The following MTHFD2L variants were observed in gnomAD, a reference collection of about 807,000 sequenced individuals.
The protein encoded by MTHFD2L is methylenetetrahydrofolate dehydrogenase (NADP+ dependent) 2 like.
MTHFD2L carries 29 observed loss-of-function variants against 34.9 expected under a neutral mutation model. The ratio of observed to expected loss-of-function variants is 0.83; its 90% CI spans 0.62 to 1.13. MTHFD2L has a LOEUF of 1.13. MTHFD2L is among the 50% of genes most tolerant of loss of function. MTHFD2L has a pLI of 0.00. For synonymous variants in MTHFD2L, 167 were observed against 155.7 expected (o/e 1.07, Z -0.54); for missense variants, 481 against 446.5 (o/e 1.08, Z -0.70).
At chr4:74,121,609 T>C (rs186516292), upstream of MTHFD2L, among the ~76,000 whole-genome samples, 30 of 145,518 alleles carry the variant, frequency 2.1e-4, no homozygotes, top group East Asian at 4.7e-3. Context: ...TAATTAATTA[T>C]TTAATTATAT....
chr4:74,196,880 A>C (rs1733571270), intron 3 of MTHFD2L, among the ~76,000 whole-genome samples: 1 of 147,974 alleles, frequency 6.8e-6, no homozygotes. Flanking sequence ...CAGGAGGCGG[A>C]GGTTGCAGTG....
At chr4:74,118,711 C>T (rs1721697868), upstream of MTHFD2L, among the ~76,000 whole-genome samples, 1 of 152,192 alleles carries the variant, frequency 6.6e-6, no homozygotes, top group African/African-American at 2.4e-5. Context: ...CAAGAACTGA[C>T]AGTGGTCCAT....
At chr4:74,267,178 T>C in intron 6 of MTHFD2L, 1 of 985,226 alleles carries the variant, frequency 1.0e-6, no homozygotes, top group Non-Finnish European at 1.2e-6. Context: ...AACATGACAG[T>C]TGGTAATATA....
At chr4:74,144,449 T>C (rs1335464944) in intron 1 of MTHFD2L, among the ~76,000 whole-genome samples, 1 of 152,064 alleles carries the variant, frequency 6.6e-6, no homozygotes, top group Non-Finnish European at 1.5e-5. Flanking sequence ...TGAGACTGTC[T>C]CAAAAAACAA....
intron 5 of MTHFD2L, among the ~76,000 whole-genome samples, chr4:74,208,968 C>T (rs1466432791): frequency 6.6e-6 from 1 of 152,112 alleles, no homozygotes; most frequent in Non-Finnish European, 1.5e-5. Context: ...CCTCAGAAGC[C>T]TATCTAAGGG....
intron 5 of MTHFD2L, among the ~76,000 whole-genome samples, chr4:74,218,744 A>C (rs1737642618): frequency 6.6e-6 from 1 of 151,992 alleles, no homozygotes; most frequent in Non-Finnish European, 1.5e-5. Context: ...ATGACTAACA[A>C]CTGTTTGCTA....
chr4:74,168,691 T>C (rs1386268593), intron 1 of MTHFD2L, among the ~76,000 whole-genome samples: 1 of 152,134 alleles, frequency 6.6e-6, no homozygotes, highest in Non-Finnish European at 1.5e-5. Flanking sequence ...ACAATGAGCA[T>C]GTGGTGGGGA....
At chr4:74,157,996 A>T (rs547231998), upstream of MTHFD2L, 951 of 1,282,454 alleles carry the variant, frequency 7.4e-4, 3 homozygotes, top group Non-Finnish European at 9.7e-4. Context: ...TCTTTACCCC[A>T]CTCTGCGTGT....
At chr4:74,192,250 G>T (rs183327652) in intron 3 of MTHFD2L, among the ~76,000 whole-genome samples, 6 of 152,140 alleles carry the variant, frequency 3.9e-5, no homozygotes, top group Non-Finnish European at 7.4e-5. Context: ...TTATCTGACC[G>T]CCTCCCAACA....
intron 1 of MTHFD2L, among the ~76,000 whole-genome samples, chr4:74,139,979 T>C (rs912283063): frequency 6.6e-6 from 1 of 152,000 alleles, no homozygotes; most frequent in Non-Finnish European, 1.5e-5. Context: ...ACAGGTAAAA[T>C]AGTAATAAGG....
At chr4:74,228,156 G>A (rs1220481661) in intron 6 of MTHFD2L, among the ~76,000 whole-genome samples, 1 of 152,126 alleles carries the variant, frequency 6.6e-6, no homozygotes, top group Non-Finnish European at 1.5e-5. Flanking sequence ...TTTTTGAACT[G>A]CATTGACAGA....
At chr4:74,173,056 A>G (rs771656271) in intron 1 of MTHFD2L, among the ~76,000 whole-genome samples, 32 of 152,068 alleles carry the variant, frequency 2.1e-4, no homozygotes, top group African/African-American at 7.0e-4. Context: ...TCTGCTTCTT[A>G]CTCTTTCCCT....
At chr4:74,281,663 C>A (rs1052383766) in intron 7 of MTHFD2L, 113 bp downstream of exon 7, 1 of 1,037,850 alleles carries the variant, frequency 9.6e-7, no homozygotes, top group Non-Finnish European at 1.4e-6. Flanking sequence ...TTAATCATCA[C>A]CTCTTTCTTC....
At chr4:74,131,761 C>T (rs1722521520) in intron 1 of MTHFD2L, among the ~76,000 whole-genome samples, 1 of 152,156 alleles carries the variant, frequency 6.6e-6, no homozygotes, top group Admixed American at 6.5e-5. Context: ...GGAGCTTCTG[C>T]ACAGCAAAAG....
intron 1 of MTHFD2L, 31 bp downstream of exon 1, chr4:74,158,312 C>T: frequency 1.6e-6 from 2 of 1,245,602 alleles, no homozygotes; most frequent in Non-Finnish European, 1.0e-6. Context: ...GGGTGCGGAG[C>T]CGCTGGCGGT....
intron 6 of MTHFD2L, among the ~76,000 whole-genome samples, chr4:74,226,451 C>T (rs1260394011): frequency 1.3e-5 from 2 of 152,004 alleles, no homozygotes; most frequent in African/African-American, 2.4e-5. Flanking sequence ...CAAAAGAAAG[C>T]TTTATGGAAT....
At chr4:74,129,310 C>A (rs1228853693) in intron 1 of MTHFD2L, among the ~76,000 whole-genome samples, 1 of 152,058 alleles carries the variant, frequency 6.6e-6, no homozygotes, top group African/African-American at 2.4e-5. Flanking sequence ...AGCCCCACAT[C>A]ATCCTTATTC....
intron 6 of MTHFD2L, among the ~76,000 whole-genome samples, chr4:74,280,774 C>T (rs941463340): frequency 6.6e-6 from 1 of 151,764 alleles, no homozygotes; most frequent in Non-Finnish European, 1.5e-5. Flanking sequence ...GTGAGGAGAG[C>T]TTACTATACA....
intron 3 of MTHFD2L, chr4:74,182,897 AGG>A (rs1730463177): frequency 6.6e-6 from 1 of 152,216 alleles, no homozygotes; most frequent in East Asian, 1.9e-4. Flanking sequence ...TACAAAAAGT[AGG>A]GCAGTAGAAT....
Sources: allele counts gnomAD v4.1 joint callset (sites outside exome capture counted in the v4.1 genomes callset), GRCh38; gene constraint gnomAD v4.1.1; transcripts MANE v1.5; gene names NCBI Gene and HGNC (gene_info 2026-07-23, HGNC 2026-07-21).